The following ATL2 variants were observed in gnomAD, a reference collection of about 807,000 sequenced individuals.
ATL2 encodes the protein atlastin GTPase 2, also known as atlastin-2.
In ATL2, 31 loss-of-function variants were observed where a neutral mutation model predicts 73.9. That is an observed-to-expected ratio of 0.42 (90% confidence interval 0.32 to 0.57). The LOEUF (loss-of-function observed/expected upper bound fraction) is 0.57. Ranked by LOEUF, ATL2 falls within the 20% of genes least tolerant of loss-of-function variation. ATL2 has a pLI of 0.14. For missense variants in ATL2, 738 were observed against 702.6 expected (o/e 1.05, Z -0.57); for synonymous variants, 291 against 237.5 (o/e 1.23, Z -2.07).
At chr2:38,301,643 A>C (rs962244244) in intron 9 of ATL2, among the ~76,000 whole-genome samples, 2 of 152,210 alleles carry the variant, frequency 1.3e-5, no homozygotes, top group Admixed American at 6.5e-5. Context: ...AGTGGAAAGA[A>C]CTCAGCCAGC....
intron 1 of ATL2, among the ~76,000 whole-genome samples, chr2:38,345,212 A>G (rs1558434762): frequency 1.3e-5 from 2 of 152,180 alleles, no homozygotes. Context: ...CTAAGGACAC[A>G]TACGGTATCC....
intron 2 of ATL2, among the ~76,000 whole-genome samples, chr2:38,328,848 C>G (rs999278182): frequency 6.6e-6 from 1 of 151,450 alleles, no homozygotes; most frequent in Non-Finnish European, 1.5e-5. Flanking sequence ...AACAAGAAAA[C>G]AGAAAATCAC....
At chr2:38,370,409 AC>A (rs978339041) in intron 1 of ATL2, among the ~76,000 whole-genome samples, 3 of 136,914 alleles carry the variant, frequency 2.2e-5, no homozygotes, top group Non-Finnish European at 4.6e-5. Flanking sequence ...AGATCGCGCC[AC>A]TGCGCTCCAG....
At chr2:38,351,502 T>A (rs1396306099) in intron 1 of ATL2, among the ~76,000 whole-genome samples, 2 of 151,378 alleles carry the variant, frequency 1.3e-5, no homozygotes, top group East Asian at 3.9e-4. Context: ...TTTAATTTTT[T>A]TTTTTTTTTG....
In ATL2 at chr2:38,343,220, T is replaced by C. The variant is rs772156544; in HGVS notation, c.363+48A>G. 6.2e-6 allele frequency: 9 copies of C among 1,456,244 alleles called. No individual in the cohort carries two copies. The African/African-American group carries it at 1.0e-4, about 17-fold the overall frequency. The allele number at this position is 1,456,244 out of a possible 1,614,324, so 90.2% of individuals were successfully genotyped here. ...TTGTCTATTTTTTTAACAGGCATGG[T>C]TGGTACTTTTTTCTTTTTAATTGGG... On this transcript the variant is annotated intron_variant, in intron 2 of 12. Transcript: ENST00000378954.
At chr2:38,332,020 T>C (rs1669025462) in intron 2 of ATL2, among the ~76,000 whole-genome samples, 1 of 152,148 alleles carries the variant, frequency 6.6e-6, no homozygotes, top group African/African-American at 2.4e-5. Context: ...TGCTATAATA[T>C]GGATGAACCC....
At chr2:38,352,378 G>A (rs1358280203) in intron 1 of ATL2, among the ~76,000 whole-genome samples, 3 of 152,130 alleles carry the variant, frequency 2.0e-5, no homozygotes, top group Non-Finnish European at 4.4e-5. Context: ...ACAACAAGTA[G>A]CACAAGGACA....
chr2:38,310,816 T>C lies in ATL2; in HGVS notation c.805-369A>G, dbSNP rs367713040. Among the ~76,000 whole-genome samples the C allele has an allele frequency of 4.9e-3, 749 of 152,010 alleles. 10 individuals carry two copies. The highest frequency in any genetic ancestry group is 0.02 in the South Asian group (98 of 4,802). ...CCATGCCCGGCTAATTTTGTATTTT[T>C]AGTAGAGACAGGGTTGGTCAGGCTG... On this transcript the variant is annotated intron_variant, in intron 7 of 12. Transcript: ENST00000378954.
At chr2:38,373,429 G>A (rs1385606678) in intron 1 of ATL2, among the ~76,000 whole-genome samples, 1 of 152,196 alleles carries the variant, frequency 6.6e-6, no homozygotes, top group African/African-American at 2.4e-5. Flanking sequence ...TATTAAGCTA[G>A]TAGCTTAGCA....
intron 1 of ATL2, among the ~76,000 whole-genome samples, chr2:38,367,326 G>A (rs923293075): frequency 3.3e-5 from 5 of 151,612 alleles, no homozygotes; most frequent in African/African-American, 7.3e-5. Context: ...ATTTAAGGCC[G>A]GGCGCGGTGG....
rs3217584 is a variant in ATL2, at chr2:38,295,955, G to GA, written c.*38dup. 13,603 of 1,394,604 alleles carry GA rather than the reference G, an allele frequency of 9.8e-3. 87 individuals are homozygous for GA. The highest frequency in any genetic ancestry group is 0.065 in the East Asian group (2,513 of 38,458). The allele number at this position is 1,394,604 out of a possible 1,614,324, so 86.4% of individuals were successfully genotyped here. A position where few individuals can be genotyped will look rare whatever the true frequency, so the allele number is the denominator to read the frequency against. ...TGAGTTCTCATTGTACAGCAAGCATGAAAAAAAAAGAGAGTGGAGTCCGTG... is the reference window on the plus strand; with the variant it reads ...TGAGTTCTCATTGTACAGCAAGCATGAAAAAAAAAAGAGAGTGGAGTCCGTG... On this transcript the variant is annotated 3_prime_UTR_variant, in exon 13 of 13. Transcript: ENST00000378954.
At position 38,296,470 on chromosome 2, in the gene ATL2, T is replaced by C. The variant is rs762376838; in HGVS notation, c.1633-357A>G. ...TGAACACTTCAGATAGAGAAAAAGG[T>C]TAAAAATACTGTCTAATTTTTCTTC... On this transcript the variant is annotated intron_variant, in intron 12 of 12. Transcript: ENST00000378954. 17 of 1,599,850 alleles carry C rather than the reference T, an allele frequency of 1.1e-5. No individual in the cohort carries two copies. The Middle Eastern group carries it at 1.3e-3, about 120-fold the overall frequency.
intron 2 of ATL2, among the ~76,000 whole-genome samples, chr2:38,331,155 C>A (rs543569466): frequency 7.8e-4 from 119 of 152,056 alleles, no homozygotes; most frequent in Non-Finnish European, 2.6e-4. Flanking sequence ...AAAAAACTGG[C>A]CAGGTGTGGT....
At chr2:38,328,208 G>T (rs1668777411) in intron 2 of ATL2, among the ~76,000 whole-genome samples, 1 of 152,130 alleles carries the variant, frequency 6.6e-6, no homozygotes, top group Non-Finnish European at 1.5e-5. Context: ...GAACTCCAAA[G>T]AGTAACAGAC....
chr2:38,342,625 C>A (rs947184376), intron 2 of ATL2, among the ~76,000 whole-genome samples: 7 of 152,166 alleles, frequency 4.6e-5, no homozygotes, highest in Non-Finnish European at 8.8e-5. Flanking sequence ...TTGAGGAACA[C>A]AGATATACTT....
chr2:38,338,490 G>C (rs1321035050), intron 2 of ATL2, among the ~76,000 whole-genome samples: 1 of 151,904 alleles, frequency 6.6e-6, no homozygotes, highest in East Asian at 1.9e-4. Context: ...TAAACACTTT[G>C]GATTGTAACT....
chr2:38,351,178 T>C (rs959875484), intron 1 of ATL2, among the ~76,000 whole-genome samples: 5 of 152,190 alleles, frequency 3.3e-5, no homozygotes, highest in African/African-American at 1.2e-4. Context: ...CCACAAAAGC[T>C]AAGTAACGTG....
chr2:38,329,011 T>C lies in ATL2; in HGVS notation c.364-9992A>G, dbSNP rs1210033255. 7.1e-5 allele frequency among the ~76,000 whole-genome samples: 10 copies of C among 141,056 alleles called. No individual in the cohort carries two copies. In the Admixed American group the frequency reaches 7.2e-4, roughly 10 times the overall value. 92.5% of individuals were successfully genotyped at this position (141,056 alleles called of 152,430 possible). ...ACTAATTCCTTGAACATTAAAAAAA[T>C]AAAAGAATACTAAGAACTCTATGCC... On this transcript the variant is annotated intron_variant, in intron 2 of 12. Transcript: ENST00000378954.
intron 1 of ATL2, among the ~76,000 whole-genome samples, chr2:38,358,103 C>G (rs1670785138): frequency 6.6e-6 from 1 of 152,046 alleles, no homozygotes; most frequent in African/African-American, 2.4e-5. Context: ...AAGATGATGC[C>G]AAAATTGCTG....
Sources: allele counts gnomAD v4.1 joint callset (sites outside exome capture counted in the v4.1 genomes callset), GRCh38; gene constraint gnomAD v4.1.1; transcripts MANE v1.5; gene names NCBI Gene and HGNC (gene_info 2026-07-23, HGNC 2026-07-21).